CNNM2: variants seen among roughly 807,000 people sequenced by gnomAD.
CNNM2 encodes metal transporter CNNM2.
Under a neutral mutation model 66.9 loss-of-function variants are expected in CNNM2, and 12 were observed. The observed-to-expected ratio is 0.18, with a 90% CI of 0.11 to 0.29. The LOEUF (loss-of-function observed/expected upper bound fraction) is 0.29, where lower values mean the gene tolerates loss of function less well. Ranked by LOEUF, CNNM2 falls within the 10% of genes least tolerant of loss-of-function variation. CNNM2 has a pLI of 1.00. For synonymous variants in CNNM2, 557 were observed against 501.8 expected (o/e 1.11, Z -1.47); for missense variants, 705 against 1,167.7 (o/e 0.60, Z 5.77).
At chr10:103,038,788 G>A (rs2064987548) in intron 1 of CNNM2, among the ~76,000 whole-genome samples, 1 of 152,170 alleles carries the variant, frequency 6.6e-6, no homozygotes, top group Admixed American at 6.6e-5. Flanking sequence ...GTAGTAAAAG[G>A]AGGCTTTTGT....
At chr10:102,958,022 C>T (rs568339951) in intron 1 of CNNM2, among the ~76,000 whole-genome samples, 4 of 152,130 alleles carry the variant, frequency 2.6e-5, no homozygotes, top group Non-Finnish European at 4.4e-5. Context: ...CTGCAACCTC[C>T]GCCTCCTGGG....
chr10:102,983,931 A>G (rs1387108229), intron 1 of CNNM2, among the ~76,000 whole-genome samples: 1 of 151,666 alleles, frequency 6.6e-6, no homozygotes, highest in East Asian at 2.0e-4. Flanking sequence ...CGCCTGGCTA[A>G]TTCTTGTATT....
intron 1 of CNNM2, among the ~76,000 whole-genome samples, chr10:103,020,950 G>T (rs1364308130): frequency 2.6e-5 from 4 of 152,124 alleles, no homozygotes; most frequent in Non-Finnish European, 4.4e-5. Flanking sequence ...GAATGACAAG[G>T]TCAATGGAGT....
chr10:103,005,053 T>C (rs937295789), intron 1 of CNNM2, among the ~76,000 whole-genome samples: 2 of 151,872 alleles, frequency 1.3e-5, no homozygotes, highest in African/African-American at 2.4e-5. Flanking sequence ...GCTGGGATTA[T>C]GGGCATGCGC....
At chr10:102,998,333 A>G (rs994634803) in intron 1 of CNNM2, among the ~76,000 whole-genome samples, 26 of 152,356 alleles carry the variant, frequency 1.7e-4, no homozygotes, top group Non-Finnish European at 1.0e-4. Flanking sequence ...TAAGCACATC[A>G]ATATGCATAA....
intron 1 of CNNM2, among the ~76,000 whole-genome samples, chr10:103,027,130 G>T (rs1281165536): frequency 6.6e-6 from 1 of 152,098 alleles, no homozygotes; most frequent in East Asian, 1.9e-4. Context: ...CAGTCTTTGA[G>T]TCTTTCTCTG....
chr10:103,046,091 A>G (rs1384624620), intron 1 of CNNM2, among the ~76,000 whole-genome samples: 2 of 152,286 alleles, frequency 1.3e-5, no homozygotes, highest in African/African-American at 4.8e-5. Context: ...CACCCAGCCG[A>G]TTCCAGGCAG....
chr10:103,054,305 T>TC lies in CNNM2; in HGVS notation c.1766-23dup, dbSNP rs1564863186. 5 of 1,609,138 alleles carry TC rather than the reference T, an allele frequency of 3.1e-6. No individual in the cohort carries two copies. The highest frequency in any genetic ancestry group is 2.2e-5 in the East Asian group (1 of 44,836). ...CTCATGGGATGCATTTCTTTTTTTT[T>TC]CTCTCTTTTAATTCCTCCCTTAGCT... On this transcript the variant is annotated intron_variant, in intron 2 of 7. Coordinates refer to ENST00000369878, the MANE Select transcript of CNNM2 (RefSeq NM_017649.5). The surrounding 1 kb of genome is among the most constrained non-coding windows in gnomAD (Gnocchi z 5.2).
chr10:103,003,994 T>TTA (rs1240368806), intron 1 of CNNM2, among the ~76,000 whole-genome samples: 3 of 128,760 alleles, frequency 2.3e-5, no homozygotes, highest in Admixed American at 2.3e-4. Flanking sequence ...AATTTTTTTT[T>TTA]TTTTTTTTTT....
rs947367721 is a variant in CNNM2 at position 103,090,208 on chromosome 10, G to A, written c.*13028G>A. The A allele has an allele frequency of 2.8e-6, 1 of 358,208 alleles. No homozygotes were observed. The highest frequency in any genetic ancestry group is 5.0e-6 in the Non-Finnish European group (1 of 198,952). 22.2% of individuals were successfully genotyped at this position (358,208 alleles called of 1,614,324 possible). ...TAGTCCTGAAACAGATCAGAATAAA[G>A]GAATGTAAAAACCACATTTTCTTTT... On this transcript the variant is annotated 3_prime_UTR_variant, in exon 8 of 8. Coordinates refer to ENST00000369878, the MANE Select transcript of CNNM2 (RefSeq NM_017649.5).
intron 1 of CNNM2, among the ~76,000 whole-genome samples, chr10:102,982,350 G>T (rs1213449565): frequency 6.6e-6 from 1 of 152,190 alleles, no homozygotes; most frequent in Non-Finnish European, 1.5e-5. Context: ...TTAGCCTGGG[G>T]CCTGCAGTAG....
At chr10:102,974,337 A>G (rs1353553983) in intron 1 of CNNM2, among the ~76,000 whole-genome samples, 3 of 152,204 alleles carry the variant, frequency 2.0e-5, no homozygotes, top group East Asian at 3.8e-4. Flanking sequence ...ATGATGAACT[A>G]GTTATAAGAT....
Position 103,085,827 on chromosome 10 carries a change from G to C in CNNM2, c.*8647G>C, listed in dbSNP as rs920135664. 1 of 152,166 alleles carries C rather than the reference G, an allele frequency of 6.6e-6. No individual in the cohort carries two copies. The highest frequency in any genetic ancestry group is 2.4e-5 in the African/African-American group (1 of 41,432). 9.4% of individuals were successfully genotyped at this position (152,166 alleles called of 1,614,324 possible). ...TGAGATCACATACCTTTGTTGGAAT[G>C]AATCAGACTGTTGTGGCCTTGGGAT... On this transcript the variant is annotated 3_prime_UTR_variant, in exon 8 of 8. Transcript: ENST00000369878.
In CNNM2 at chr10:103,068,701, A is replaced by G; in HGVS notation, c.2146A>G (p.Met716Val). ...GAGCGCCTTCTCATACTATGGCGTGATGGCCCTGACAGCCTCTCCAGGTAT... is the reference window on the plus strand; with the variant it reads ...GAGCGCCTTCTCATACTATGGCGTGGTGGCCCTGACAGCCTCTCCAGGTAT... Reference protein sequence around the residue: ...EASAFSYYGVMALTASPVPLS... With the variant: ...EASAFSYYGVVALTASPVPLS... Residue 716 changes from methionine (M) to valine (V), a missense_variant, in exon 5 of 8, where the codon ATG (methionine) becomes GTG (valine). Around this residue, in one of 9 missense-constraint regions of CNNM2, gnomAD observed 194 missense variants for 227.6 expected, o/e 0.85. Transcript: ENST00000369878. 6.2e-7 allele frequency: 1 copy of G among 1,612,960 alleles called. No individual in the cohort carries two copies. Among genetic ancestry groups the G allele is most frequent in the Non-Finnish European group, 8.5e-7 (1 of 1,179,536 alleles).
chr10:102,933,474 A>G (rs1846130261), intron 1 of CNNM2, among the ~76,000 whole-genome samples: 1 of 152,204 alleles, frequency 6.6e-6, no homozygotes, highest in Non-Finnish European at 1.5e-5. Flanking sequence ...TTGATCTTCT[A>G]TCCTGCAACC....
intron 1 of CNNM2, among the ~76,000 whole-genome samples, chr10:103,022,391 A>C (rs569402994): frequency 1.3e-5 from 2 of 152,144 alleles, no homozygotes; most frequent in African/African-American, 2.4e-5. Flanking sequence ...TTCATCCCCT[A>C]TTGTCAGCTG....
chr10:103,010,842 A>G (rs1157999556), intron 1 of CNNM2, among the ~76,000 whole-genome samples: 1 of 151,948 alleles, frequency 6.6e-6, no homozygotes, highest in South Asian at 2.1e-4. Context: ...TGAAATCCTG[A>G]CCACAGGTGA....
Position 103,085,044 on chromosome 10 carries a change from G to A in CNNM2, c.*7864G>A, listed in dbSNP as rs1398227832. On this transcript the variant is annotated 3_prime_UTR_variant, in exon 8 of 8. Coordinates refer to ENST00000369878, the MANE Select transcript of CNNM2 (RefSeq NM_017649.5). ...CAAGCAGTCCCAGGACAAAGGGATG[G>A]TTCTAGGGCCCTTTTCTCTGACTTT... 6.6e-6 allele frequency: 1 copy of A among 152,130 alleles called. No homozygotes were observed. The highest frequency in any genetic ancestry group is 1.5e-5 in the Non-Finnish European group (1 of 68,038). 9.4% of individuals were successfully genotyped at this position (152,130 alleles called of 1,614,324 possible).
chr10:102,927,301 GTTT>G, intron 1 of CNNM2: 1 of 1,611,762 alleles, frequency 6.2e-7, no homozygotes, highest in Non-Finnish European at 8.5e-7. Flanking sequence ...ATTGAATACA[GTTT>G]TTTAAAGTAT....
Sources: gnomAD v4.1 joint callset for allele counts (sites outside exome capture counted in the v4.1 genomes callset) on GRCh38, gnomAD v4.1.1 for gene constraint, gnomAD v4.1.1 regional missense constraint, Gnocchi (gnomAD v3.1) non-coding constraint, MANE v1.5 for transcripts, NCBI Gene and HGNC (gene_info 2026-07-23, HGNC 2026-07-21) for gene names.